TRPC5: variants seen among roughly 807,000 people sequenced by gnomAD.
TRPC5 encodes the protein transient receptor potential cation channel subfamily C member 5.
TRPC5 carries 9 observed loss-of-function variants against 56.5 expected under a neutral mutation model. That is an observed-to-expected ratio of 0.16 (90% CI 0.10 to 0.28). The LOEUF is 0.28. TRPC5 is among the 10% of genes least tolerant of loss of function. The pLI is 1.00. For missense variants in TRPC5, 469 were observed against 748.9 expected (o/e 0.63, Z 4.36); for synonymous variants, 282 against 278.5 (o/e 1.01, Z -0.13).
chrX:112,019,584 C>T (rs1929217567), intron 1 of TRPC5, among the ~76,000 whole-genome samples: 1 of 111,221 alleles, frequency 9.0e-6, no homozygotes, highest in South Asian at 3.8e-4. Flanking sequence ...TACAGGCGCC[C>T]ACCACCACAC....
At chrX:112,010,972 G>C (rs1049694005) in intron 1 of TRPC5, among the ~76,000 whole-genome samples, 13 of 112,074 alleles carry the variant, frequency 1.2e-4, no homozygotes, top group African/African-American at 3.9e-4. Flanking sequence ...TCCCTCAGGG[G>C]AGAGCATGAG....
At chrX:111,856,582 G>A (rs898427488) in intron 3 of TRPC5, among the ~76,000 whole-genome samples, 72 of 93,188 alleles carry the variant, frequency 7.7e-4, no homozygotes, top group East Asian at 1.2e-3. Context: ...AATAGAGGCC[G>A]AGGCGGGCAG....
At chrX:112,055,816 A>G (rs1249527412) in intron 1 of TRPC5, among the ~76,000 whole-genome samples, 1 of 108,817 alleles carries the variant, frequency 9.2e-6, no homozygotes. Flanking sequence ...GGGTTTTTTT[A>G]GTAATTGAGT....
chrX:111,969,235 AG>A (rs1927712649), intron 1 of TRPC5, among the ~76,000 whole-genome samples: 1 of 111,131 alleles, frequency 9.0e-6, no homozygotes, highest in Non-Finnish European at 1.9e-5. Context: ...TTTAAAATTA[AG>A]GTTTGTATAT....
intron 7 of TRPC5, among the ~76,000 whole-genome samples, chrX:111,807,952 C>CTGTGTGTGTG (rs1251135483): frequency 1.2e-5 from 1 of 82,239 alleles, no homozygotes; most frequent in African/African-American, 1.1e-4. Context: ...CTCTCTCTCT[C>CTGTGTGTGTG]TCTCTGTGTG....
intron 1 of TRPC5, among the ~76,000 whole-genome samples, chrX:112,030,671 A>T (rs1929564370): frequency 8.9e-6 from 1 of 112,090 alleles, no homozygotes; most frequent in Non-Finnish European, 1.9e-5. Context: ...ATCCTTTCAC[A>T]CAGAATGTTT....
At chrX:112,032,868 T>TA (rs1274542849) in intron 1 of TRPC5, among the ~76,000 whole-genome samples, 1 of 111,728 alleles carries the variant, frequency 9.0e-6, no homozygotes, top group Non-Finnish European at 1.9e-5. Context: ...CTCTAATGAC[T>TA]AATGATGATA....
At chrX:111,899,780 AT>A (rs1264391110) in intron 3 of TRPC5, among the ~76,000 whole-genome samples, 4 of 111,487 alleles carry the variant, frequency 3.6e-5, no homozygotes, top group Non-Finnish European at 7.5e-5. Context: ...TAAATGCCAA[AT>A]TCCTTTCCTT....
chrX:112,014,422 A>G (rs143108254), intron 1 of TRPC5, among the ~76,000 whole-genome samples: 15 of 112,479 alleles, frequency 1.3e-4, no homozygotes, highest in African/African-American at 4.8e-4. Flanking sequence ...ACTGGGATCT[A>G]CCTAACTCAT....
chrX:111,928,960 G>GC (rs1442055814), intron 2 of TRPC5, among the ~76,000 whole-genome samples: 1 of 112,038 alleles, frequency 8.9e-6, no homozygotes, highest in African/African-American at 3.2e-5. Flanking sequence ...TCACTCTGCA[G>GC]CACCTTTTCA....
At chrX:112,068,181 T>C (rs1280735030) in intron 1 of TRPC5, among the ~76,000 whole-genome samples, 3 of 112,440 alleles carry the variant, frequency 2.7e-5, no homozygotes, top group Non-Finnish European at 5.6e-5. Context: ...CTACTCTTTA[T>C]GTGCCCCTCT....
intron 1 of TRPC5, among the ~76,000 whole-genome samples, chrX:112,071,109 C>G (rs938532876): frequency 9.1e-6 from 1 of 110,202 alleles, no homozygotes; most frequent in Non-Finnish European, 1.9e-5. Flanking sequence ...TGTAACCCCC[C>G]TCTCTACAAT....
chrX:111,964,195 G>A (rs957516268), intron 1 of TRPC5, among the ~76,000 whole-genome samples: 14 of 112,173 alleles, frequency 1.2e-4, no homozygotes, highest in African/African-American at 4.2e-4. Context: ...CTCAGGAGCT[G>A]ATGCGATCAA....
At chrX:111,779,830 T>G (rs763184957) in intron 9 of TRPC5, among the ~76,000 whole-genome samples, 1 of 112,113 alleles carries the variant, frequency 8.9e-6, no homozygotes, top group Admixed American at 9.5e-5. Context: ...TCAGTCTGAT[T>G]TCAAGGCCAA....
intron 3 of TRPC5, among the ~76,000 whole-genome samples, chrX:111,857,252 CT>C (rs1923265588): frequency 8.9e-6 from 1 of 111,779 alleles, no homozygotes; most frequent in Non-Finnish European, 1.9e-5. Flanking sequence ...TGTTGTCAAT[CT>C]TGAACAAAAT....
At chrX:111,994,754 G>A (rs1928471670) in intron 1 of TRPC5, among the ~76,000 whole-genome samples, 1 of 111,441 alleles carries the variant, frequency 9.0e-6, no homozygotes, top group African/African-American at 3.3e-5. Flanking sequence ...CACTGATTTT[G>A]TATCCTGAGA....
intron 7 of TRPC5, among the ~76,000 whole-genome samples, chrX:111,791,092 G>GCATCATCCCA (rs1173280969): frequency 2.2e-5 from 2 of 91,361 alleles, no homozygotes; most frequent in Non-Finnish European, 4.2e-5. Flanking sequence ...CATCTCTGAA[G>GCATCATCCCA]CATCATCCCA....
At chrX:111,981,906 A>T (rs1402774857) in intron 1 of TRPC5, among the ~76,000 whole-genome samples, 1 of 111,833 alleles carries the variant, frequency 8.9e-6, no homozygotes, top group Non-Finnish European at 1.9e-5. Flanking sequence ...TGTAATCCCC[A>T]CATGTCAGGG....
chrX:111,841,582 T>C (rs1922734071), intron 6 of TRPC5, among the ~76,000 whole-genome samples: 1 of 112,431 alleles, frequency 8.9e-6, no homozygotes, highest in African/African-American at 3.2e-5. Context: ...GCAGTAAATA[T>C]TGATTATTTT....
Sources: gnomAD v4.1 joint callset for allele counts (sites outside exome capture counted in the v4.1 genomes callset) on GRCh38, gnomAD v4.1.1 for gene constraint, MANE v1.5 for transcripts, NCBI Gene and HGNC (gene_info 2026-07-23, HGNC 2026-07-21) for gene names.